The following THNSL1 variants were observed in gnomAD, a reference collection of about 807,000 sequenced individuals.
THNSL1 encodes the protein threonine synthase like 1, also known as threonine synthase-like 1.
THNSL1 carries 48 observed loss-of-function variants against 50.4 expected under a neutral mutation model. The ratio of observed to expected loss-of-function variants is 0.95; its 90% CI spans 0.76 to 1.21. The LOEUF is 1.21. THNSL1 is among the 50% of genes most tolerant of loss of function. THNSL1 has a pLI of 0.00. For missense variants in THNSL1, 896 were observed against 871.7 expected (o/e 1.03, Z -0.35); for synonymous variants, 309 against 306.1 (o/e 1.01, Z -0.10).
chr10:24,979,688 C>T, the THNSL1 span, among the ~76,000 whole-genome samples: 2 of 152,140 alleles, frequency 1.3e-5, no homozygotes, highest in Non-Finnish European at 2.9e-5. Context: ...AAAGGTCTAC[C>T]CCACATCTCC....
At chr10:24,960,421 A>ATTTTAT in the THNSL1 span, among the ~76,000 whole-genome samples, 3 of 151,554 alleles carry the variant, frequency 2.0e-5, no homozygotes, top group Admixed American at 6.6e-5. Flanking sequence ...TATTATTATT[A>ATTTTAT]TTTTATTTTT....
chr10:24,977,704 A>G, the THNSL1 span, among the ~76,000 whole-genome samples: 1 of 152,210 alleles, frequency 6.6e-6, no homozygotes, highest in African/African-American at 2.4e-5. Context: ...AATTTTAAAA[A>G]GTGAGAGGAA....
the THNSL1 span, among the ~76,000 whole-genome samples, chr10:25,003,630 G>A: frequency 6.6e-6 from 1 of 152,082 alleles, no homozygotes; most frequent in Non-Finnish European, 1.5e-5. Flanking sequence ...TTTCTGAATG[G>A]TGTGGTTTTA....
the THNSL1 span, chr10:24,999,588 T>C: frequency 1.3e-6 from 2 of 1,502,452 alleles, no homozygotes; most frequent in Non-Finnish European, 9.1e-7. Context: ...ATACTTCTAG[T>C]AAAAATTACC....
chr10:24,993,841 G>C, the THNSL1 span, among the ~76,000 whole-genome samples: 1 of 152,208 alleles, frequency 6.6e-6, no homozygotes, highest in Admixed American at 6.5e-5. Flanking sequence ...AGAGCAGCCA[G>C]AAGGGAGGGG....
At chr10:25,007,602 T>C in the THNSL1 span, among the ~76,000 whole-genome samples, 62 of 152,110 alleles carry the variant, frequency 4.1e-4, no homozygotes, top group Admixed American at 1.8e-3. Context: ...ACCCGGGTAA[T>C]TTTTTGTATT....
the THNSL1 span, among the ~76,000 whole-genome samples, chr10:25,003,733 A>G: frequency 6.6e-6 from 1 of 152,166 alleles, no homozygotes; most frequent in African/African-American, 2.4e-5. Flanking sequence ...ATAGGTAAAC[A>G]TGCATTACGG....
intron 2 of THNSL1, 37 bp from the exon 3 acceptor site, chr10:25,023,139 C>G: frequency 1.5e-6 from 2 of 1,358,240 alleles, no homozygotes; most frequent in East Asian, 2.4e-5. Flanking sequence ...ACCAAATTAT[C>G]TTTTGTTGTT....
At chr10:25,007,539 A>G in the THNSL1 span, among the ~76,000 whole-genome samples, 2 of 152,236 alleles carry the variant, frequency 1.3e-5, no homozygotes, top group African/African-American at 2.4e-5. Flanking sequence ...GGTTCACACC[A>G]TTCTCCTGCC....
At chr10:25,008,485 T>G in the THNSL1 span, among the ~76,000 whole-genome samples, 3 of 152,172 alleles carry the variant, frequency 2.0e-5, no homozygotes, top group Admixed American at 2.0e-4. Flanking sequence ...TTATAAAGAC[T>G]TCAGAACATG....
Position 25,023,531 on chromosome 10 carries a change from T to G in THNSL1, c.308T>G (p.Leu103Ter). 6.2e-7 allele frequency: 1 copy of G among 1,614,160 alleles called. No individual in the cohort carries two copies. The highest frequency in any genetic ancestry group is 1.3e-5 in the African/African-American group (1 of 75,044). The part of the protein sequence containing the change: ...KTWNMSVSEK[L>*]QDVGNEQFLE... ...TGGAATATGAGTGTGTCTGAAAAAT[T>G]ACAGGATGTTGGTAATGAGCAATTT... Residue 103 changes from leucine to a stop codon, truncating the protein, a stop_gained, in exon 3 of 3, where the codon TTA becomes TGA. Transcript: ENST00000376356. LOFTEE classifies it high-confidence loss of function.
At chr10:24,989,594 T>TA in the THNSL1 span, among the ~76,000 whole-genome samples, 1 of 152,362 alleles carries the variant, frequency 6.6e-6, no homozygotes, top group East Asian at 1.9e-4. Flanking sequence ...GCAGATATTT[T>TA]AAAAAATCTT....
chr10:24,974,887 C>T, the THNSL1 span, among the ~76,000 whole-genome samples: 5 of 152,122 alleles, frequency 3.3e-5, no homozygotes, highest in Non-Finnish European at 7.4e-5. Flanking sequence ...AGGTGGTGAT[C>T]CAAATTCTAA....
chr10:25,015,990 C>G (rs1201694495), upstream of THNSL1: 2 of 1,574,658 alleles, frequency 1.3e-6, no homozygotes, highest in African/African-American at 2.7e-5. Flanking sequence ...TCTCCCTGTC[C>G]CAGTATCTCC....
At chr10:24,968,569 G>A in the THNSL1 span, among the ~76,000 whole-genome samples, 1 of 152,046 alleles carries the variant, frequency 6.6e-6, no homozygotes, top group South Asian at 2.1e-4. Context: ...GCACACCCAC[G>A]ACTTTTCTCA....
At chr10:24,994,517 A>G in the THNSL1 span, among the ~76,000 whole-genome samples, 2 of 151,632 alleles carry the variant, frequency 1.3e-5, no homozygotes, top group African/African-American at 4.8e-5. Context: ...TATTTTTAGT[A>G]GAGATGGGGT....
the THNSL1 span, among the ~76,000 whole-genome samples, chr10:24,975,225 C>T: frequency 2.6e-5 from 4 of 152,280 alleles, no homozygotes; most frequent in South Asian, 2.1e-4. Context: ...CAAAACAGCA[C>T]AGCTCAAGGG....
chr10:25,018,690 A>G (rs964267686), intron 1 of THNSL1, among the ~76,000 whole-genome samples: 3 of 104,828 alleles, frequency 2.9e-5, no homozygotes, highest in African/African-American at 9.6e-5. Flanking sequence ...GCGAAGGATT[A>G]TTTTAATCTA....
the THNSL1 span, among the ~76,000 whole-genome samples, chr10:24,954,251 C>G: frequency 1.3e-5 from 2 of 152,124 alleles, no homozygotes; most frequent in African/African-American, 4.8e-5. Context: ...TGCAGCTTCA[C>G]TGGGTGGGGA....
Sources: allele counts gnomAD v4.1 joint callset (sites outside exome capture counted in the v4.1 genomes callset), GRCh38; gene constraint gnomAD v4.1.1; transcripts MANE v1.5; gene names NCBI Gene and HGNC (gene_info 2026-07-23, HGNC 2026-07-21).